The following DYM variants were observed in gnomAD, a reference collection of about 807,000 sequenced individuals.
The protein encoded by DYM is dymeclin.
A neutral mutation model predicts 93.1 loss-of-function variants in DYM; 78 were observed. The ratio of observed to expected loss-of-function variants is 0.84; its 90% CI spans 0.70 to 1.01. The LOEUF (loss-of-function observed/expected upper bound fraction) is 1.01. Among genes scored for constraint, DYM ranks in the 50% least tolerant of loss-of-function variants. DYM has a pLI of 0.00. For missense variants in DYM, 789 were observed against 845.0 expected (o/e 0.93, Z 0.82); for synonymous variants, 321 against 319.7 (o/e 1.00, Z -0.04).
chr18:49,418,796 G>A (rs113203869), intron 2 of DYM, among the ~76,000 whole-genome samples: 1,681 of 152,238 alleles, frequency 0.011, 31 homozygotes, highest in African/African-American at 0.039. Context: ...GGGGGCACCT[G>A]CTACCTCAAA....
chr18:49,454,415 T>C (rs910646960), intron 1 of DYM, among the ~76,000 whole-genome samples: 25 of 152,250 alleles, frequency 1.6e-4, no homozygotes, highest in African/African-American at 6.0e-4. Flanking sequence ...AAATGGCGGC[T>C]CCATCTTCCC....
chr18:49,207,223 G>C (rs985942881), intron 14 of DYM, among the ~76,000 whole-genome samples: 1 of 152,302 alleles, frequency 6.6e-6, no homozygotes, highest in African/African-American at 2.4e-5. Context: ...GCTGCCAGCT[G>C]TATTAATGAG....
chr18:49,197,893 A>G (rs1158040267), intron 14 of DYM, among the ~76,000 whole-genome samples: 1 of 152,214 alleles, frequency 6.6e-6, no homozygotes, highest in Non-Finnish European at 1.5e-5. Context: ...TAAAGTTCAT[A>G]TGGAACCAAA....
chr18:49,131,207 T>C lies in DYM; in HGVS notation c.1729-12281A>G, dbSNP rs77757914. Among the ~76,000 whole-genome samples the C allele has an allele frequency of 5.5e-3, 838 of 152,186 alleles. 3 individuals carry two copies. The highest frequency in any genetic ancestry group is 9.5e-3 in the Non-Finnish European group (648 of 67,978). The stretch of plus-strand genomic sequence containing the variant: ...TCCAACTTTAAGGTGACAAAGAGAA[T>C]GTGACTACAGACATGGAGGACATTT... On this transcript the variant is annotated intron_variant, in intron 15 of 17. Transcript: ENST00000675505.
chr18:49,087,130 T>C (rs535490586), intron 17 of DYM, among the ~76,000 whole-genome samples: 6 of 152,332 alleles, frequency 3.9e-5, no homozygotes, highest in Non-Finnish European at 8.8e-5. Flanking sequence ...CTAAATCTGC[T>C]GACATGTTGA....
At chr18:49,232,119 C>T (rs937635433) in intron 13 of DYM, among the ~76,000 whole-genome samples, 1 of 152,060 alleles carries the variant, frequency 6.6e-6, no homozygotes, top group Non-Finnish European at 1.5e-5. Context: ...AAATACTATT[C>T]ATCCGATAAG....
intron 5 of DYM, among the ~76,000 whole-genome samples, chr18:49,365,583 G>A (rs1044176883): frequency 6.6e-5 from 10 of 152,114 alleles, no homozygotes; most frequent in African/African-American, 1.2e-4. Context: ...CTCAATGTAC[G>A]TTTGCTAAAT....
chr18:49,292,593 A>AG (rs2060218770), intron 8 of DYM, among the ~76,000 whole-genome samples: 1 of 1,596 alleles, frequency 6.3e-4, no homozygotes, highest in African/African-American at 1.4e-3. Flanking sequence ...TTCCTGTTGG[A>AG]AAAAAAAAAA....
At chr18:49,120,790 T>G (rs2082312533) in intron 15 of DYM, among the ~76,000 whole-genome samples, 1 of 152,202 alleles carries the variant, frequency 6.6e-6, no homozygotes, top group South Asian at 2.1e-4. Flanking sequence ...AAGGTATGCC[T>G]ATTTCCATAC....
chr18:49,152,269 G>A lies in DYM; in HGVS notation c.1728+11416C>T, dbSNP rs563592246. Among the ~76,000 whole-genome samples, 45 of 152,216 alleles carry A rather than the reference G, an allele frequency of 3.0e-4. No homozygotes were observed. In the East Asian group the frequency reaches 5.2e-3, roughly 18 times the overall value. ...TTCAGAAGTAAGAAAAGGCAATAGTGTTTCATTCGATCCTTCAGTTTAAAA... is the reference window on the plus strand; with the variant it reads ...TTCAGAAGTAAGAAAAGGCAATAGTATTTCATTCGATCCTTCAGTTTAAAA... On this transcript the variant is annotated intron_variant, in intron 15 of 17. Transcript: ENST00000675505.
chr18:49,311,790 G>A (rs139736967), intron 8 of DYM, among the ~76,000 whole-genome samples: 2,229 of 151,636 alleles, frequency 0.015, 52 homozygotes, highest in African/African-American at 0.049. Context: ...ATGGGTTAAC[G>A]GGTGCAGCAC....
At chr18:49,439,906 AGGC>A (rs1568447964) in intron 1 of DYM, among the ~76,000 whole-genome samples, 1 of 151,872 alleles carries the variant, frequency 6.6e-6, no homozygotes. Flanking sequence ...CAGAAGGCTG[AGGC>A]AGGAGGATCA....
intron 14 of DYM, among the ~76,000 whole-genome samples, chr18:49,185,211 A>T (rs934152596): frequency 6.6e-6 from 1 of 152,236 alleles, no homozygotes; most frequent in Admixed American, 6.5e-5. Flanking sequence ...CATCCCCAAG[A>T]AAAGTTTCAT....
At chr18:49,306,995 T>C (rs1032213330) in intron 8 of DYM, among the ~76,000 whole-genome samples, 1 of 152,090 alleles carries the variant, frequency 6.6e-6, no homozygotes, top group Non-Finnish European at 1.5e-5. Flanking sequence ...ATCTGCTTGT[T>C]ATGAAGTTCT....
chr18:49,344,559 C>T (rs2064424074), intron 6 of DYM, among the ~76,000 whole-genome samples: 1 of 152,140 alleles, frequency 6.6e-6, no homozygotes, highest in Non-Finnish European at 1.5e-5. Context: ...CTGCAGTTAT[C>T]TCTCCCGTGA....
chr18:49,389,076 G>A (rs941452598), intron 3 of DYM, among the ~76,000 whole-genome samples: 6 of 152,038 alleles, frequency 3.9e-5, no homozygotes, highest in Admixed American at 2.0e-4. Flanking sequence ...ATGTTGCTGC[G>A]TGTAAACAAA....
intron 10 of DYM, among the ~76,000 whole-genome samples, chr18:49,274,088 C>T (rs966904081): frequency 6.6e-6 from 1 of 152,024 alleles, no homozygotes; most frequent in Non-Finnish European, 1.5e-5. Context: ...ATATGTGTAA[C>T]CATCACCACA....
At chr18:49,164,189 T>A (rs982450385) in intron 14 of DYM, among the ~76,000 whole-genome samples, 1 of 152,314 alleles carries the variant, frequency 6.6e-6, no homozygotes, top group East Asian at 1.9e-4. Flanking sequence ...ACAAGATTAT[T>A]TCTCTACTGT....
At chr18:49,211,665 G>T (rs1023390201) in intron 13 of DYM, among the ~76,000 whole-genome samples, 1 of 152,126 alleles carries the variant, frequency 6.6e-6, no homozygotes, top group African/African-American at 2.4e-5. Flanking sequence ...ACTGCATGTG[G>T]GAATAGTGCT....
Sources: gnomAD v4.1 joint callset for allele counts (sites outside exome capture counted in the v4.1 genomes callset) on GRCh38, gnomAD v4.1.1 for gene constraint, MANE v1.5 for transcripts, NCBI Gene and HGNC (gene_info 2026-07-23, HGNC 2026-07-21) for gene names.